The following ARL15 variants were observed in gnomAD, a reference collection of about 807,000 sequenced individuals.
ARL15 encodes the protein ARF like GTPase 15.
In ARL15, 19 loss-of-function variants were observed where a neutral mutation model predicts 25.2. The ratio of observed to expected loss-of-function variants is 0.75; its 90% confidence interval spans 0.53 to 1.10. The LOEUF is 1.10. ARL15 is among the 50% of genes least tolerant of loss of function. The probability of loss-of-function intolerance (pLI) is 0.00; values close to 1 mark genes in which losing one functional copy is unlikely to be tolerated. For synonymous variants in ARL15, 94 were observed against 86.8 expected (o/e 1.08, Z -0.46); for missense variants, 220 against 246.0 (o/e 0.89, Z 0.71).
At chr5:54,014,760 A>C (rs1749358722) in intron 4 of ARL15, among the ~76,000 whole-genome samples, 1 of 151,846 alleles carries the variant, frequency 6.6e-6, no homozygotes, top group Admixed American at 6.6e-5. Flanking sequence ...TCCTGACCTC[A>C]GGTGATCCAC....
intron 1 of ARL15, among the ~76,000 whole-genome samples, chr5:54,245,343 G>C (rs1757061750): frequency 6.6e-6 from 1 of 152,182 alleles, no homozygotes; most frequent in African/African-American, 2.4e-5. Flanking sequence ...TCAGACTTCA[G>C]TGAAAACTTT....
chr5:54,017,624 A>G (rs556253604), intron 4 of ARL15, among the ~76,000 whole-genome samples: 23 of 151,668 alleles, frequency 1.5e-4, no homozygotes, highest in Admixed American at 1.3e-3. Flanking sequence ...AACCAAAGCA[A>G]CAACAACAAC....
intron 1 of ARL15, among the ~76,000 whole-genome samples, chr5:54,235,845 G>A (rs527246308): frequency 6.6e-6 from 1 of 152,282 alleles, no homozygotes; most frequent in South Asian, 2.1e-4. Context: ...AAGGGCATTT[G>A]ACTATACTTC....
chr5:54,082,107 A>AGGAGGGAGGGAGGGAGGGAGGGAAGGAG (rs143494582), intron 4 of ARL15, among the ~76,000 whole-genome samples: 1 of 135,578 alleles, frequency 7.4e-6, no homozygotes, highest in African/African-American at 2.9e-5. Context: ...AAAGAAGGAA[A>AGGAGGGAGGGAGGGAGGGAGGGAAGGAG]GGAGGGAGGG....
At chr5:54,237,050 C>T (rs1293426298) in intron 1 of ARL15, among the ~76,000 whole-genome samples, 7 of 152,222 alleles carry the variant, frequency 4.6e-5, no homozygotes, top group Admixed American at 4.6e-4. Context: ...TGTGTCCCCA[C>T]CCAAATCTCA....
At chr5:53,969,719 T>C (rs896265308) in intron 4 of ARL15, among the ~76,000 whole-genome samples, 7 of 152,156 alleles carry the variant, frequency 4.6e-5, no homozygotes, top group Non-Finnish European at 1.0e-4. Flanking sequence ...GATCTCTGAA[T>C]TTTGTGAGTT....
At chr5:54,257,682 T>C (rs909333375) in intron 1 of ARL15, among the ~76,000 whole-genome samples, 2 of 152,226 alleles carry the variant, frequency 1.3e-5, no homozygotes, top group Non-Finnish European at 2.9e-5. Flanking sequence ...GCAAAAACTT[T>C]TGGTAAGAAA....
intron 1 of ARL15, among the ~76,000 whole-genome samples, chr5:54,223,684 T>C (rs769851017): frequency 2.6e-5 from 4 of 152,200 alleles, no homozygotes; most frequent in Non-Finnish European, 5.9e-5. Context: ...TAGATCCAAA[T>C]AGCATATGAC....
At chr5:53,951,219 A>G (rs908523584) in intron 4 of ARL15, among the ~76,000 whole-genome samples, 20 of 152,224 alleles carry the variant, frequency 1.3e-4, no homozygotes, top group African/African-American at 4.8e-4. Context: ...AGTATGGCCT[A>G]CAAAGCCTAT....
chr5:54,206,148 G>C (rs891822244), intron 1 of ARL15, among the ~76,000 whole-genome samples: 1 of 152,174 alleles, frequency 6.6e-6, no homozygotes, highest in Admixed American at 6.5e-5. Flanking sequence ...TTTAATGCTA[G>C]TAGTTACATA....
intron 3 of ARL15, among the ~76,000 whole-genome samples, chr5:54,135,687 T>C (rs912770342): frequency 1.3e-5 from 2 of 152,200 alleles, no homozygotes; most frequent in Admixed American, 1.3e-4. Context: ...TTCCTCACCA[T>C]GCAAGTACTC....
At chr5:53,899,531 G>T (rs1238399824) in intron 4 of ARL15, among the ~76,000 whole-genome samples, 2 of 151,508 alleles carry the variant, frequency 1.3e-5, no homozygotes, top group Non-Finnish European at 2.9e-5. Flanking sequence ...GGTTTAGTTT[G>T]CTCTTTTTTC....
intron 4 of ARL15, among the ~76,000 whole-genome samples, chr5:54,056,742 G>A (rs147457320): frequency 6.6e-6 from 1 of 152,164 alleles, no homozygotes; most frequent in East Asian, 1.9e-4. Context: ...ATGGTGTGAT[G>A]GAATAATCAC....
At chr5:54,130,172 A>C (rs1753387487) in intron 3 of ARL15, among the ~76,000 whole-genome samples, 1 of 152,204 alleles carries the variant, frequency 6.6e-6, no homozygotes, top group Non-Finnish European at 1.5e-5. Flanking sequence ...TGGGAGATGG[A>C]GGATGCAGCG....
chr5:54,175,059 T>C lies in ARL15; in HGVS notation c.49-3131A>G, dbSNP rs116548141. Among the ~76,000 whole-genome samples, 509 of 152,354 alleles carry C rather than the reference T, an allele frequency of 3.3e-3. 6 individuals carry two copies. The highest frequency in any genetic ancestry group is 0.011 in the African/African-American group (478 of 41,572). Reference sequence around the variant, plus strand: ...CTGACTACCCTGGCCCAAACTATCATAAACCTTAAATATCAAATGAAACTG... The same window carrying C: ...CTGACTACCCTGGCCCAAACTATCACAAACCTTAAATATCAAATGAAACTG... On this transcript the variant is annotated intron_variant, in intron 1 of 4. Coordinates refer to ENST00000504924, the MANE Select transcript of ARL15 (RefSeq NM_019087.3).
chr5:54,089,135 C>A (rs374613413), intron 4 of ARL15, among the ~76,000 whole-genome samples: 1 of 152,294 alleles, frequency 6.6e-6, no homozygotes, highest in Admixed American at 6.5e-5. Flanking sequence ...TCCAGCACCC[C>A]CCGCCTCAGG....
At chr5:53,937,486 A>G (rs1056708399) in intron 4 of ARL15, among the ~76,000 whole-genome samples, 1 of 152,172 alleles carries the variant, frequency 6.6e-6, no homozygotes, top group African/African-American at 2.4e-5. Flanking sequence ...GCATAACAAC[A>G]TTTCAGTCAA....
intron 4 of ARL15, among the ~76,000 whole-genome samples, chr5:53,925,997 C>CTTTTT (rs70986651): frequency 5.7e-5 from 7 of 122,772 alleles, no homozygotes; most frequent in African/African-American, 1.5e-4. Flanking sequence ...TTTTTTCTTT[C>CTTTTT]TTTTTTTTTT....
At chr5:53,930,404 G>A (rs1406492096) in intron 4 of ARL15, among the ~76,000 whole-genome samples, 1 of 152,216 alleles carries the variant, frequency 6.6e-6, no homozygotes, top group Admixed American at 6.5e-5. Context: ...CAGTCTTTGA[G>A]AAGGAAAGGG....
Sources: gnomAD v4.1 joint callset for allele counts (sites outside exome capture counted in the v4.1 genomes callset) on GRCh38, gnomAD v4.1.1 for gene constraint, MANE v1.5 for transcripts, NCBI Gene and HGNC (gene_info 2026-07-23, HGNC 2026-07-21) for gene names.